MYO1H: variants seen among roughly 807,000 people sequenced by gnomAD.
MYO1H encodes the protein unconventional myosin-Ih.
A neutral mutation model predicts 149.3 loss-of-function variants in MYO1H; 118 were observed. The observed-to-expected ratio is 0.79, with a 90% CI of 0.68 to 0.92. The LOEUF is 0.92. Ranked by LOEUF, MYO1H falls within the 40% of genes least tolerant of loss-of-function variation. MYO1H has a pLI of 0.00. For synonymous variants in MYO1H, 447 were observed against 465.2 expected (o/e 0.96, Z 0.50); for missense variants, 1,212 against 1,280.7 (o/e 0.95, Z 0.82).
intron 5 of MYO1H, among the ~76,000 whole-genome samples, chr12:109,399,542 A>G (rs897752154): frequency 6.8e-6 from 1 of 147,750 alleles, no homozygotes; most frequent in Non-Finnish European, 1.5e-5. Context: ...CAGTGAGCCC[A>G]GATTGTGCCA....
At chr12:109,326,677 C>T in the MYO1H span, among the ~76,000 whole-genome samples, 1 of 151,664 alleles carries the variant, frequency 6.6e-6, no homozygotes, top group Non-Finnish European at 1.5e-5. Context: ...ATGTCACCAT[C>T]CCCGGCTAAT....
chr12:109,418,352 TTC>T (rs1871018678), intron 15 of MYO1H, among the ~76,000 whole-genome samples: 1 of 152,062 alleles, frequency 6.6e-6, no homozygotes, highest in African/African-American at 2.4e-5. Flanking sequence ...ACTTTTTTTT[TTC>T]TTTCTTTCTT....
intron 27 of MYO1H, among the ~76,000 whole-genome samples, chr12:109,443,294 G>T (rs1010706953): frequency 6.9e-6 from 1 of 145,856 alleles, no homozygotes; most frequent in Admixed American, 6.9e-5. Flanking sequence ...ACGTATATAT[G>T]TGTGTATATA....
chr12:109,317,707 T>C, the MYO1H span, among the ~76,000 whole-genome samples: 1 of 152,214 alleles, frequency 6.6e-6, no homozygotes, highest in Non-Finnish European at 1.5e-5. Context: ...CAGCCTCCAC[T>C]CTGGTTTTAA....
chr12:109,439,674 GACA>G (rs1566043273), exon 24 of MYO1H: 2 of 1,613,712 alleles, frequency 1.2e-6, no homozygotes. Context: ...CCTCTGTCCT[GACA>G]ACGAGGAATT....
chr12:109,378,893 G>A (rs557555514), intron 1 of MYO1H, among the ~76,000 whole-genome samples: 1 of 152,252 alleles, frequency 6.6e-6, no homozygotes, highest in South Asian at 2.1e-4. Context: ...TTCCCTTGTA[G>A]TTTCCTTCAA....
the MYO1H span, among the ~76,000 whole-genome samples, chr12:109,324,751 T>C: frequency 2.0e-5 from 3 of 152,112 alleles, no homozygotes; most frequent in Admixed American, 6.5e-5. Flanking sequence ...GTTTGCAGAA[T>C]GTGCAGGTTT....
At chr12:109,378,681 A>G (rs1461266541) in intron 1 of MYO1H, among the ~76,000 whole-genome samples, 1 of 152,126 alleles carries the variant, frequency 6.6e-6, no homozygotes, top group African/African-American at 2.4e-5. Context: ...TTCCTTGCCA[A>G]CACTTATTAT....
chr12:109,431,969 T>A (rs1389594359), intron 19 of MYO1H, among the ~76,000 whole-genome samples: 2 of 147,682 alleles, frequency 1.4e-5, no homozygotes, highest in Non-Finnish European at 3.0e-5. Flanking sequence ...AGCCGCACAC[T>A]GCCACACCTG....
chr12:109,424,024 G>A (rs967514923), intron 16 of MYO1H, among the ~76,000 whole-genome samples: 2 of 152,186 alleles, frequency 1.3e-5, no homozygotes, highest in Admixed American at 1.3e-4. Flanking sequence ...TGTATTGTGC[G>A]TCCTTCCAGG....
chr12:109,339,251 G>A, the MYO1H span, among the ~76,000 whole-genome samples: 65 of 152,242 alleles, frequency 4.3e-4, no homozygotes, highest in African/African-American at 1.5e-3. Context: ...TGTAATCCCA[G>A]CTGTGCAGGA....
intron 31 of MYO1H, 39 bp from the exon 32 acceptor site, chr12:109,447,120 C>A (rs375638133): frequency 1.5e-5 from 24 of 1,578,964 alleles, no homozygotes; most frequent in Non-Finnish European, 1.1e-5. Context: ...GCAAAGGGAG[C>A]GGGGAAGGGC....
chr12:109,443,045 T>TATATATGTGTAC (rs200928836), intron 27 of MYO1H, among the ~76,000 whole-genome samples: 1 of 93,492 alleles, frequency 1.1e-5, no homozygotes, highest in Non-Finnish European at 2.1e-5. Flanking sequence ...TGTGTGTGTG[T>TATATATGTGTAC]GTATATATGT....
chr12:109,314,159 A>G, the MYO1H span, among the ~76,000 whole-genome samples: 12 of 151,896 alleles, frequency 7.9e-5, no homozygotes, highest in South Asian at 2.5e-3. Flanking sequence ...TGCTGGGATT[A>G]CAGGCGTGAG....
chr12:109,414,476 C>CAAAAAAAAAA (rs1158287635), intron 14 of MYO1H, among the ~76,000 whole-genome samples: 1 of 57,402 alleles, frequency 1.7e-5, no homozygotes, highest in African/African-American at 6.0e-5. Context: ...GACTCCATCT[C>CAAAAAAAAAA]AAAAAAAAAA....
chr12:109,393,346 C>T (rs868225086), exon 3 of MYO1H: 1 of 1,576,876 alleles, frequency 6.3e-7, no homozygotes, highest in Non-Finnish European at 8.6e-7. Context: ...TATTGGCACC[C>T]TCCTTGTGTC....
exon 15 of MYO1H, chr12:109,415,612 G>A (rs756023706): frequency 3.8e-6 from 6 of 1,597,380 alleles, no homozygotes; most frequent in South Asian, 1.1e-5. Context: ...GTCACATACT[G>A]CACCAAGGGT....
intron 1 of MYO1H, among the ~76,000 whole-genome samples, chr12:109,353,399 A>T (rs1442733535): frequency 1.9e-5 from 1 of 51,718 alleles, no homozygotes; most frequent in African/African-American, 9.5e-5. Flanking sequence ...GTCTCAAAAA[A>T]AAAAAAAAAA....
the MYO1H span, among the ~76,000 whole-genome samples, chr12:109,320,000 C>T: frequency 2.0e-4 from 30 of 152,134 alleles, no homozygotes; most frequent in African/African-American, 7.0e-4. Context: ...ATGAACCATA[C>T]GGGGCTATGT....
Sources: allele counts gnomAD v4.1 joint callset (sites outside exome capture counted in the v4.1 genomes callset), GRCh38; gene constraint gnomAD v4.1.1; transcripts MANE v1.5; gene names NCBI Gene and HGNC (gene_info 2026-07-23, HGNC 2026-07-21).